The following THSD7A variants were observed in gnomAD, a reference collection of about 807,000 sequenced individuals.
THSD7A encodes thrombospondin type 1 domain containing 7A.
A neutral mutation model predicts 231.3 loss-of-function variants in THSD7A; 96 were observed. That is an observed-to-expected ratio of 0.41 (90% CI 0.35 to 0.49). The LOEUF is 0.49. Among genes scored for constraint, THSD7A ranks in the 20% least tolerant of loss-of-function variants. The pLI is 0.05. For missense variants in THSD7A, 2,290 were observed against 2,070.2 expected, an observed-to-expected ratio of 1.11 and a Z score of -2.06; for synonymous variants, 940 against 743.3, an observed-to-expected ratio of 1.26 and a Z score of -4.30.
chr7:11,808,154 C>CCA (rs67706467), intron 1 of THSD7A, among the ~76,000 whole-genome samples: 27,532 of 150,926 alleles, frequency 0.18, 2,643 homozygotes, highest in South Asian at 0.34. Context: ...TAGAAAGAGA[C>CCA]CACACACACA....
At chr7:11,592,651 C>T (rs1438111317) in intron 3 of THSD7A, among the ~76,000 whole-genome samples, 4 of 152,190 alleles carry the variant, frequency 2.6e-5, no homozygotes, top group African/African-American at 9.7e-5. Context: ...AAACCCAACC[C>T]TTTTCCCCAT....
At chr7:11,651,256 G>T (rs1562443557) in intron 1 of THSD7A, among the ~76,000 whole-genome samples, 1 of 152,030 alleles carries the variant, frequency 6.6e-6, no homozygotes. Context: ...ACAGAAGATA[G>T]AGTGGTGGTT....
chr7:11,762,901 C>T (rs115601780), intron 1 of THSD7A, among the ~76,000 whole-genome samples: 171 of 152,212 alleles, frequency 1.1e-3, no homozygotes, highest in African/African-American at 3.7e-3. Flanking sequence ...ACAGATTCAA[C>T]ACAGTTACTT....
rs148768904 is a variant in THSD7A at position 11,600,846 on chromosome 7, A to G, written c.1023-7344T>C. 3.9e-5 allele frequency among the ~76,000 whole-genome samples: 6 copies of G among 152,300 alleles called. No individual in the cohort carries two copies. The East Asian group carries it at 1.2e-3, about 29-fold the overall frequency. On this transcript the variant is annotated intron_variant, in intron 2 of 27. Coordinates refer to ENST00000423059, the MANE Select transcript of THSD7A (RefSeq NM_015204.3). ...ATGAAAATTGCATTTCCAGGAGACA[A>G]TTACAGCTCAAAGCATCACAGTCAA...
At chr7:11,660,257 T>C (rs1782879787) in intron 1 of THSD7A, among the ~76,000 whole-genome samples, 1 of 151,592 alleles carries the variant, frequency 6.6e-6, no homozygotes, top group African/African-American at 2.4e-5. Context: ...ATATGGTTAC[T>C]GCCCTTTTGC....
chr7:11,584,261 T>A (rs1791297157), intron 4 of THSD7A, among the ~76,000 whole-genome samples: 1 of 152,080 alleles, frequency 6.6e-6, no homozygotes. Flanking sequence ...AAAACAACAT[T>A]GGAAAAAATA....
At chr7:11,688,689 G>A (rs1036745204) in intron 1 of THSD7A, among the ~76,000 whole-genome samples, 7 of 151,796 alleles carry the variant, frequency 4.6e-5, no homozygotes, top group African/African-American at 1.7e-4. Flanking sequence ...AAGGAAGTGT[G>A]TGTACAGGTG....
At chr7:11,662,818 T>G (rs1236289631) in intron 1 of THSD7A, among the ~76,000 whole-genome samples, 2 of 151,298 alleles carry the variant, frequency 1.3e-5, no homozygotes, top group African/African-American at 4.8e-5. Flanking sequence ...TAAACACACA[T>G]GGATCAAAGA....
At chr7:11,451,624 T>C (rs1033995965) in intron 11 of THSD7A, among the ~76,000 whole-genome samples, 9 of 151,936 alleles carry the variant, frequency 5.9e-5, no homozygotes, top group African/African-American at 2.2e-4. Flanking sequence ...TTCTAGAATG[T>C]TTTCACGTAA....
At chr7:11,461,129 C>G (rs1785490980) in intron 10 of THSD7A, among the ~76,000 whole-genome samples, 1 of 152,100 alleles carries the variant, frequency 6.6e-6, no homozygotes, top group African/African-American at 2.4e-5. Context: ...AAACTGTATT[C>G]AAGTCATGAG....
At chr7:11,722,179 T>G (rs974501914) in intron 1 of THSD7A, among the ~76,000 whole-genome samples, 12 of 151,860 alleles carry the variant, frequency 7.9e-5, no homozygotes, top group Non-Finnish European at 1.5e-4. Flanking sequence ...GTTTATAGGT[T>G]AACTTTAAAG....
intron 1 of THSD7A, among the ~76,000 whole-genome samples, chr7:11,668,727 G>A (rs1176412236): frequency 6.6e-6 from 1 of 152,180 alleles, no homozygotes; most frequent in East Asian, 1.9e-4. Flanking sequence ...TAAAACAGAA[G>A]TATGAATAAG....
intron 4 of THSD7A, among the ~76,000 whole-genome samples, chr7:11,580,723 G>A (rs1791121382): frequency 6.6e-6 from 1 of 151,954 alleles, no homozygotes; most frequent in African/African-American, 2.4e-5. Flanking sequence ...CACGCACTGG[G>A]GTGTTTTGGA....
intron 6 of THSD7A, among the ~76,000 whole-genome samples, chr7:11,499,365 A>G (rs1787239329): frequency 6.6e-6 from 1 of 152,184 alleles, no homozygotes; most frequent in Non-Finnish European, 1.5e-5. Context: ...CACTAATAAG[A>G]TGTCTTCCTC....
intron 6 of THSD7A, among the ~76,000 whole-genome samples, chr7:11,493,092 G>A (rs562921984): frequency 1.3e-5 from 2 of 152,220 alleles, no homozygotes; most frequent in South Asian, 2.1e-4. Flanking sequence ...GGCTGTCTCA[G>A]CGTTATTAAC....
chr7:11,415,734 C>G (rs1783937543), intron 17 of THSD7A, among the ~76,000 whole-genome samples: 1 of 152,192 alleles, frequency 6.6e-6, no homozygotes, highest in Non-Finnish European at 1.5e-5. Flanking sequence ...CATAAAACCT[C>G]CTGAACACCT....
intron 23 of THSD7A, among the ~76,000 whole-genome samples, chr7:11,387,751 T>C (rs562371129): frequency 6.6e-6 from 1 of 152,336 alleles, no homozygotes; most frequent in East Asian, 1.9e-4. Flanking sequence ...CTATGTTGAA[T>C]AGGAGTCGTA....
At chr7:11,723,958 T>C in intron 1 of THSD7A, among the ~76,000 whole-genome samples, 1 of 151,960 alleles carries the variant, frequency 6.6e-6, no homozygotes, top group East Asian at 2.0e-4. Context: ...AGATGCTGAA[T>C]TGAGAATAGA....
chr7:11,418,802 C>T (rs925940038), intron 16 of THSD7A, among the ~76,000 whole-genome samples: 1 of 151,950 alleles, frequency 6.6e-6, no homozygotes, highest in African/African-American at 2.4e-5. Flanking sequence ...AAAAAATACC[C>T]AAACAAATAC....
Sources: gnomAD v4.1 joint callset for allele counts (sites outside exome capture counted in the v4.1 genomes callset) on GRCh38, gnomAD v4.1.1 for gene constraint, MANE v1.5 for transcripts, NCBI Gene and HGNC (gene_info 2026-07-23, HGNC 2026-07-21) for gene names.